Variants in LINGO2 observed in about 807,000 individuals in gnomAD.
The protein encoded by LINGO2 is leucine-rich repeat and immunoglobulin-like domain-containing nogo receptor-interacting protein 2.
A neutral mutation model predicts 30.6 loss-of-function variants in LINGO2; 14 were observed. The observed-to-expected ratio is 0.46, with a 90% CI of 0.30 to 0.72. The LOEUF (loss-of-function observed/expected upper bound fraction) is 0.72. LINGO2 is among the 30% of genes least tolerant of loss of function. LINGO2 has a pLI of 0.07. For synonymous variants in LINGO2, 317 were observed against 288.5 expected, an observed-to-expected ratio of 1.10 and a Z score of -1.00; for missense variants, 729 against 751.7, an observed-to-expected ratio of 0.97 and a Z score of 0.35.
the LINGO2 span, among the ~76,000 whole-genome samples, chr9:28,977,685 A>T: frequency 6.6e-6 from 1 of 152,166 alleles, no homozygotes; most frequent in Non-Finnish European, 1.5e-5. Context: ...GTAAAATGGC[A>T]TTGTAAGATC....
chr9:28,928,299 T>C, the LINGO2 span, among the ~76,000 whole-genome samples: 1 of 152,222 alleles, frequency 6.6e-6, no homozygotes, highest in South Asian at 2.1e-4. Context: ...AAAGGTAATA[T>C]TCTCATGGAA....
At chr9:29,204,848 T>C in the LINGO2 span, among the ~76,000 whole-genome samples, 1 of 152,234 alleles carries the variant, frequency 6.6e-6, no homozygotes, top group Non-Finnish European at 1.5e-5. Flanking sequence ...GTAAAAGTGA[T>C]GATAGCATAC....
intron 4 of LINGO2, among the ~76,000 whole-genome samples, chr9:28,146,426 T>G (rs551226580): frequency 1.2e-4 from 19 of 152,292 alleles, no homozygotes; most frequent in African/African-American, 3.8e-4. Context: ...ACAGAGAAAG[T>G]ACAAATATTG....
chr9:28,783,869 T>A, the LINGO2 span, among the ~76,000 whole-genome samples: 1 of 152,208 alleles, frequency 6.6e-6, no homozygotes, highest in Non-Finnish European at 1.5e-5. Flanking sequence ...CAGTGTCTGG[T>A]GACAGCACTC....
At chr9:28,983,918 C>A in the LINGO2 span, among the ~76,000 whole-genome samples, 1 of 152,010 alleles carries the variant, frequency 6.6e-6, no homozygotes. Flanking sequence ...AGTCTATCAT[C>A]CTTGGTCTGT....
chr9:27,956,943 A>G (rs1163290841), intron 5 of LINGO2, among the ~76,000 whole-genome samples: 4 of 152,058 alleles, frequency 2.6e-5, no homozygotes, highest in Admixed American at 2.6e-4. Flanking sequence ...AATAAAAAAT[A>G]AAATAGCCAG....
intron 5 of LINGO2, among the ~76,000 whole-genome samples, chr9:27,998,029 A>G (rs1821756128): frequency 6.6e-6 from 1 of 152,218 alleles, no homozygotes; most frequent in African/African-American, 2.4e-5. Flanking sequence ...TTAGTTTAAT[A>G]TAATGAGCTT....
intron 1 of LINGO2, among the ~76,000 whole-genome samples, chr9:28,602,320 A>G (rs1482710310): frequency 1.3e-5 from 2 of 152,080 alleles, no homozygotes; most frequent in Non-Finnish European, 2.9e-5. Context: ...AAACAAACAA[A>G]CAAACAAAAT....
At chr9:28,447,271 G>T (rs76223085) in intron 2 of LINGO2, among the ~76,000 whole-genome samples, 1 of 152,248 alleles carries the variant, frequency 6.6e-6, no homozygotes, top group Admixed American at 6.5e-5. Flanking sequence ...AGAGGTGGAG[G>T]CTTTAGAAGG....
intron 4 of LINGO2, among the ~76,000 whole-genome samples, chr9:28,045,507 A>G (rs755104965): frequency 6.6e-6 from 1 of 152,178 alleles, no homozygotes; most frequent in Non-Finnish European, 1.5e-5. Context: ...AGAACTCAGA[A>G]TTTTAAAAGT....
At chr9:29,121,271 C>G in the LINGO2 span, among the ~76,000 whole-genome samples, 1 of 152,060 alleles carries the variant, frequency 6.6e-6, no homozygotes, top group Non-Finnish European at 1.5e-5. Flanking sequence ...GATTTATAAT[C>G]AGTAAGTTTG....
At chr9:28,210,173 T>C (rs956865601) in intron 4 of LINGO2, among the ~76,000 whole-genome samples, 27 of 151,684 alleles carry the variant, frequency 1.8e-4, no homozygotes, top group African/African-American at 5.3e-4. Context: ...CTAATGGCTT[T>C]GAGCTCTTGG....
intron 2 of LINGO2, among the ~76,000 whole-genome samples, chr9:28,374,769 A>G (rs1821054993): frequency 6.6e-6 from 1 of 152,170 alleles, no homozygotes. Flanking sequence ...CGCTTTCACA[A>G]ATGAGAAAAT....
chr9:28,552,386 A>G (rs1233685784), intron 1 of LINGO2, among the ~76,000 whole-genome samples: 1 of 152,136 alleles, frequency 6.6e-6, no homozygotes, highest in African/African-American at 2.4e-5. Flanking sequence ...TTGCATACTT[A>G]GCCATAGAAC....
chr9:28,241,056 G>T (rs1179139400), intron 4 of LINGO2, among the ~76,000 whole-genome samples: 1 of 151,964 alleles, frequency 6.6e-6, no homozygotes, highest in African/African-American at 2.4e-5. Context: ...AGATCATGAG[G>T]TCAGGAGATC....
the LINGO2 span, among the ~76,000 whole-genome samples, chr9:28,703,288 C>T: frequency 6.6e-6 from 1 of 151,856 alleles, no homozygotes; most frequent in African/African-American, 2.4e-5. Flanking sequence ...ATTGTTTTCA[C>T]TCTATCCCAA....
At chr9:27,981,651 T>C (rs999655227) in intron 5 of LINGO2, among the ~76,000 whole-genome samples, 1 of 151,090 alleles carries the variant, frequency 6.6e-6, no homozygotes, top group Non-Finnish European at 1.5e-5. Flanking sequence ...AGGACTGCTG[T>C]TGTTCCCCTC....
chr9:28,476,883 T>C (rs7860769), intron 1 of LINGO2, among the ~76,000 whole-genome samples: 4,707 of 152,280 alleles, frequency 0.031, 185 homozygotes, highest in East Asian at 0.1. Context: ...TCCAATCAGT[T>C]AAAAACTGGA....
the LINGO2 span, among the ~76,000 whole-genome samples, chr9:28,721,572 C>T: frequency 1.3e-4 from 20 of 152,192 alleles, no homozygotes; most frequent in African/African-American, 4.8e-4. Flanking sequence ...GAAAACCAAA[C>T]ACTGCATGTT....
Sources: allele counts gnomAD v4.1 joint callset (sites outside exome capture counted in the v4.1 genomes callset), GRCh38; gene constraint gnomAD v4.1.1; transcripts MANE v1.5; gene names NCBI Gene and HGNC (gene_info 2026-07-23, HGNC 2026-07-21).